HS6ST1: variants seen among roughly 807,000 people sequenced by gnomAD.
HS6ST1 encodes the protein heparan sulfate 6-O-sulfotransferase 1.
A neutral mutation model predicts 25.2 loss-of-function variants in HS6ST1; 3 were observed. That is an observed-to-expected ratio of 0.12 (90% CI 0.05 to 0.31). The LOEUF (loss-of-function observed/expected upper bound fraction) is 0.31. Among genes scored for constraint, HS6ST1 ranks in the 10% least tolerant of loss-of-function variants. The probability of loss-of-function intolerance (pLI) is 1.00; values close to 1 mark genes in which losing one functional copy is unlikely to be tolerated. For synonymous variants in HS6ST1, 204 were observed against 275.1 expected, an observed-to-expected ratio of 0.74 and a Z score of 2.56; for missense variants, 310 against 609.6, an observed-to-expected ratio of 0.51 and a Z score of 5.18.
At chr2:128,315,878 C>G (rs574583950) in intron 1 of HS6ST1, among the ~76,000 whole-genome samples, 14 of 152,326 alleles carry the variant, frequency 9.2e-5, no homozygotes, top group African/African-American at 2.6e-4. Flanking sequence ...GGAGTGGAGG[C>G]GGAGAAGAGG....
At chr2:128,272,040 G>A (rs1032017950) in intron 1 of HS6ST1, among the ~76,000 whole-genome samples, 1 of 152,196 alleles carries the variant, frequency 6.6e-6, no homozygotes, top group African/African-American at 2.4e-5. Flanking sequence ...GAAGGCAGGA[G>A]CCTGGTGGTG....
chr2:128,293,633 G>A (rs73956987), intron 1 of HS6ST1, among the ~76,000 whole-genome samples: 12,985 of 152,248 alleles, frequency 0.085, 647 homozygotes, highest in Middle Eastern at 0.11. Flanking sequence ...TGGAGGGCCC[G>A]GAGTCAGAGG....
chr2:128,288,946 G>T (rs1156746138), intron 1 of HS6ST1, among the ~76,000 whole-genome samples: 1 of 152,150 alleles, frequency 6.6e-6, no homozygotes, highest in Non-Finnish European at 1.5e-5. Context: ...CAAAGTCCTG[G>T]TTCTCACCCA....
Position 128,300,588 on chromosome 2 carries a change from G to A in HS6ST1, c.527+17449C>T, listed in dbSNP as rs577212526. On this transcript the variant is annotated intron_variant, in intron 1 of 1. Coordinates refer to ENST00000259241, the MANE Select transcript of HS6ST1 (RefSeq NM_004807.3). Reference sequence around the variant, plus strand: ...GGAGGGACAGCTGGGACCCCCATAGGACTGTCTGTCTAGCACCTGTTGTAA... The same window carrying A: ...GGAGGGACAGCTGGGACCCCCATAGAACTGTCTGTCTAGCACCTGTTGTAA... 2.6e-5 allele frequency among the ~76,000 whole-genome samples: 4 copies of A among 152,312 alleles called. No individual in the cohort carries two copies. In the South Asian group the frequency reaches 8.3e-4, roughly 32 times the overall value.
chr2:128,270,147 T>C (rs1558867236), intron 1 of HS6ST1, among the ~76,000 whole-genome samples: 1 of 152,174 alleles, frequency 6.6e-6, no homozygotes, highest in Admixed American at 6.5e-5. Context: ...CCAGCACTAC[T>C]GCATGCAGAC....
intron 1 of HS6ST1, among the ~76,000 whole-genome samples, chr2:128,286,948 C>A (rs955809607): frequency 6.6e-6 from 1 of 152,206 alleles, no homozygotes; most frequent in Non-Finnish European, 1.5e-5. Context: ...CTCCTAGGAG[C>A]CTGAGACTCC....
chr2:128,295,676 C>T (rs55886639), intron 1 of HS6ST1, among the ~76,000 whole-genome samples: 2,179 of 152,140 alleles, frequency 0.014, 69 homozygotes, highest in African/African-American at 0.049. Context: ...TGTATCATGA[C>T]CAAGTGAGAT....
chr2:128,291,943 G>C (rs1693958028), intron 1 of HS6ST1, among the ~76,000 whole-genome samples: 1 of 152,198 alleles, frequency 6.6e-6, no homozygotes, highest in African/African-American at 2.4e-5. Context: ...AGGCTCCTCT[G>C]AATGCACACT....
intron 1 of HS6ST1, among the ~76,000 whole-genome samples, chr2:128,273,329 C>A (rs1693640562): frequency 6.6e-6 from 1 of 152,190 alleles, no homozygotes; most frequent in African/African-American, 2.4e-5. Context: ...CTAGACACGG[C>A]CTGTGGTATA....
intron 1 of HS6ST1, among the ~76,000 whole-genome samples, chr2:128,305,238 G>T (rs1694190975): frequency 1.3e-5 from 2 of 152,364 alleles, no homozygotes; most frequent in South Asian, 4.1e-4. Context: ...TTGTAAGAAT[G>T]ATGTTCTCTG....
rs1694417481 is a variant in HS6ST1 at position 128,318,737 on chromosome 2, C to T, written c.-174G>A. ...CCGCGGTGCCATGGCTGCTCCCCGC[C>T]CGGCCCCGGCTCCCCGGGCCCGACG... On this transcript the variant is annotated 5_prime_UTR_variant, in exon 1 of 2. Transcript: ENST00000259241. The surrounding 1 kb of genome is among the most constrained non-coding windows in gnomAD (Gnocchi z 5.7). 3.4e-5 allele frequency among the ~76,000 whole-genome samples: 5 copies of T among 146,512 alleles called. No homozygotes were observed. The South Asian group carries it at 1.0e-3, about 30-fold the overall frequency.
intron 1 of HS6ST1, among the ~76,000 whole-genome samples, chr2:128,280,227 T>C (rs1693764345): frequency 6.6e-6 from 1 of 152,248 alleles, no homozygotes; most frequent in Non-Finnish European, 1.5e-5. Flanking sequence ...CAAGTCCCAC[T>C]GTGGGGTGGA....
At chr2:128,289,462 C>T (rs1693919168) in intron 1 of HS6ST1, among the ~76,000 whole-genome samples, 3 of 152,206 alleles carry the variant, frequency 2.0e-5, no homozygotes, top group African/African-American at 7.2e-5. Context: ...CAAAGTCTCC[C>T]AGATACCAGA....
At chr2:128,308,852 G>A (rs996672703) in intron 1 of HS6ST1, among the ~76,000 whole-genome samples, 1 of 152,250 alleles carries the variant, frequency 6.6e-6, no homozygotes, top group African/African-American at 2.4e-5. Flanking sequence ...AATTCATGGA[G>A]TGAGAACAAG....
Position 128,267,650 on chromosome 2 carries a change from G to A in HS6ST1, c.*512C>T, listed in dbSNP as rs528952598. On this transcript the variant is annotated 3_prime_UTR_variant, in exon 2 of 2. Coordinates refer to ENST00000259241, the MANE Select transcript of HS6ST1 (RefSeq NM_004807.3). ...GATGGGTGAGCTGGGGGCTCCCCAGGCCTCGGGGCATTGGGGGCAGCCAGA... is the reference window on the plus strand; with the variant it reads ...GATGGGTGAGCTGGGGGCTCCCCAGACCTCGGGGCATTGGGGGCAGCCAGA... 0.012 allele frequency: 2,013 copies of A among 172,066 alleles called. No homozygotes were observed. Among genetic ancestry groups the A allele is most frequent in the Non-Finnish European group, 0.015 (1,181 of 79,674 alleles). 10.7% of individuals were successfully genotyped at this position (172,066 alleles called of 1,614,324 possible). A position where few individuals can be genotyped will look rare whatever the true frequency, so the allele number is the denominator to read the frequency against.
Position 128,268,234 on chromosome 2 carries a change from C to T in HS6ST1, c.1164G>A (p.Pro388=), listed in dbSNP as rs781705575. The change falls in exon 2 of 2, where the codon CCG becomes CCA. Residue 388 remains proline (P), a synonymous_variant. Coordinates refer to ENST00000259241, the MANE Select transcript of HS6ST1 (RefSeq NM_004807.3). Reference sequence around the variant, plus strand: ...GGCCCGGCTCGTCGGCATCCTCCCGCGGCAGTGCCTCCTTGGCCCGGTGCA... The same window carrying T: ...GGCCCGGCTCGTCGGCATCCTCCCGTGGCAGTGCCTCCTTGGCCCGGTGCA... ...RLLHRAKEAL[P]REDADEPGRV... 26 of 1,610,678 alleles carry T rather than the reference C, an allele frequency of 1.6e-5. No individual in the cohort carries two copies. Among genetic ancestry groups the T allele is most frequent in the Admixed American group, 1.2e-4 (7 of 59,944 alleles).
chr2:128,311,354 G>A (rs1195076350), intron 1 of HS6ST1, among the ~76,000 whole-genome samples: 2 of 152,164 alleles, frequency 1.3e-5, no homozygotes, highest in African/African-American at 2.4e-5. Flanking sequence ...AGAAGTGCCC[G>A]AAAAGTGCTG....
At chr2:128,301,953 A>C (rs1401605193) in intron 1 of HS6ST1, among the ~76,000 whole-genome samples, 1 of 152,112 alleles carries the variant, frequency 6.6e-6, no homozygotes, top group Non-Finnish European at 1.5e-5. Flanking sequence ...GCTTGGCCTG[A>C]GGGGAGGGAA....
chr2:128,316,132 C>A (rs1023647248), intron 1 of HS6ST1, among the ~76,000 whole-genome samples: 1 of 152,202 alleles, frequency 6.6e-6, no homozygotes, highest in Non-Finnish European at 1.5e-5. Context: ...GGGGCCCCAT[C>A]GGCCCCACCT....
Sources: gnomAD v4.1 joint callset for allele counts (sites outside exome capture counted in the v4.1 genomes callset) on GRCh38, gnomAD v4.1.1 for gene constraint, Gnocchi (gnomAD v3.1) non-coding constraint, MANE v1.5 for transcripts, NCBI Gene and HGNC (gene_info 2026-07-23, HGNC 2026-07-21) for gene names.